Variants in MARCHF1 observed in about 807,000 individuals in gnomAD.
MARCHF1 encodes the protein E3 ubiquitin-protein ligase MARCHF1.
A neutral mutation model predicts 54.2 loss-of-function variants in MARCHF1; 40 were observed. The observed-to-expected ratio is 0.74, with a 90% CI of 0.57 to 0.96. MARCHF1 has a LOEUF of 0.96. MARCHF1 is among the 40% of genes least tolerant of loss of function. The pLI, the probability that MARCHF1 is intolerant of heterozygous loss-of-function variation, is 0.00. For synonymous variants in MARCHF1, 236 were observed against 236.3 expected, an observed-to-expected ratio of 1.00 and a Z score of 0.01; for missense variants, 586 against 656.5, an observed-to-expected ratio of 0.89 and a Z score of 1.17.
intron 2 of MARCHF1, among the ~76,000 whole-genome samples, chr4:164,034,798 T>C (rs1286133761): frequency 2.6e-5 from 4 of 152,224 alleles, no homozygotes; most frequent in African/African-American, 9.6e-5. Context: ...GCATTTTGTA[T>C]GTAACACTTT....
At position 164,239,530 on chromosome 4, in the gene MARCHF1, C is replaced by A. The variant is rs1233305913; in HGVS notation, c.-322-127868G>T. Reference sequence around the variant, plus strand: ...ATGATTATAGTCAGATAGTCCTTGACAACTTTGATTTTCCTGCTGGATTAT... The same window carrying A: ...ATGATTATAGTCAGATAGTCCTTGAAAACTTTGATTTTCCTGCTGGATTAT... On this transcript the variant is annotated intron_variant, in intron 1 of 9. Transcript: ENST00000514618. Among the ~76,000 whole-genome samples the A allele has an allele frequency of 1.2e-4, 18 of 152,114 alleles. 1 individual carries two copies. Among genetic ancestry groups the A allele is most frequent in the Admixed American group, 1.2e-3 (18 of 15,268 alleles).
chr4:163,709,610 A>T (rs1390856252), intron 4 of MARCHF1, among the ~76,000 whole-genome samples: 1 of 152,170 alleles, frequency 6.6e-6, no homozygotes, highest in Non-Finnish European at 1.5e-5. Flanking sequence ...TGCAAGAAAC[A>T]GTTAATGTTC....
chr4:164,319,790 G>T (rs1279231575), intron 1 of MARCHF1, among the ~76,000 whole-genome samples: 4 of 152,034 alleles, frequency 2.6e-5, no homozygotes, highest in African/African-American at 9.7e-5. Context: ...ATACATAGCT[G>T]GGGGCCTTGC....
At chr4:164,365,945 A>T (rs551030616) in intron 1 of MARCHF1, among the ~76,000 whole-genome samples, 1 of 151,658 alleles carries the variant, frequency 6.6e-6, no homozygotes, top group South Asian at 2.1e-4. Flanking sequence ...ATGCCTTCCC[A>T]GGCTCCTCAA....
At chr4:163,707,785 C>CT (rs1491022832) in intron 4 of MARCHF1, among the ~76,000 whole-genome samples, 3 of 66,724 alleles carry the variant, frequency 4.5e-5, no homozygotes, top group Non-Finnish European at 8.5e-5. Flanking sequence ...CTGTTTTGAA[C>CT]TAAAAAAAAA....
chr4:164,121,865 T>C (rs981263685), intron 1 of MARCHF1, among the ~76,000 whole-genome samples: 2 of 145,302 alleles, frequency 1.4e-5, no homozygotes, highest in African/African-American at 5.0e-5. Flanking sequence ...TATCCTGATA[T>C]CAAAACTAGA....
At chr4:164,257,850 T>A (rs1306027473) in intron 1 of MARCHF1, among the ~76,000 whole-genome samples, 4 of 152,094 alleles carry the variant, frequency 2.6e-5, no homozygotes, top group Non-Finnish European at 5.9e-5. Context: ...GTGCCTGTAG[T>A]CCCAGCTACT....
intron 4 of MARCHF1, among the ~76,000 whole-genome samples, chr4:163,815,215 G>T (rs1748500394): frequency 6.6e-6 from 1 of 152,032 alleles, no homozygotes; most frequent in South Asian, 2.1e-4. Context: ...TTTAAATTGG[G>T]ACTTAAAAAC....
At chr4:164,300,307 A>G (rs1270616911) in intron 1 of MARCHF1, among the ~76,000 whole-genome samples, 1 of 152,272 alleles carries the variant, frequency 6.6e-6, no homozygotes, top group Admixed American at 6.5e-5. Context: ...GCCGATTGGT[A>G]TATACTTATG....
chr4:163,656,330 C>T (rs1743140182), intron 5 of MARCHF1, among the ~76,000 whole-genome samples: 1 of 152,002 alleles, frequency 6.6e-6, no homozygotes, highest in Admixed American at 6.6e-5. Flanking sequence ...TTCCTAGACA[C>T]ATATACCCTT....
At chr4:164,219,646 A>T (rs1295895603) in intron 1 of MARCHF1, among the ~76,000 whole-genome samples, 1 of 151,996 alleles carries the variant, frequency 6.6e-6, no homozygotes, top group Admixed American at 6.6e-5. Context: ...CACTAAAATG[A>T]TTTTAAAAAC....
chr4:163,734,800 G>A (rs148048381), intron 4 of MARCHF1, among the ~76,000 whole-genome samples: 57 of 152,158 alleles, frequency 3.7e-4, no homozygotes, highest in African/African-American at 1.2e-3. Context: ...AAAATGTATC[G>A]TATTATACAC....
At chr4:164,178,918 T>C (rs1252155422) in intron 1 of MARCHF1, among the ~76,000 whole-genome samples, 1 of 152,140 alleles carries the variant, frequency 6.6e-6, no homozygotes, top group Admixed American at 6.5e-5. Flanking sequence ...CCTTGCATCA[T>C]AGTTGTTGGT....
intron 3 of MARCHF1, among the ~76,000 whole-genome samples, chr4:163,954,301 TA>T (rs1365309366): frequency 6.6e-6 from 1 of 152,192 alleles, no homozygotes; most frequent in Non-Finnish European, 1.5e-5. Context: ...TAAATCCAAA[TA>T]TTTATATGTT....
At chr4:164,185,112 T>A (rs1260817550) in intron 1 of MARCHF1, among the ~76,000 whole-genome samples, 1 of 152,212 alleles carries the variant, frequency 6.6e-6, no homozygotes, top group African/African-American at 2.4e-5. Context: ...TTTATTTTCC[T>A]CACAAAATTC....
chr4:163,733,179 A>G (rs28412674), intron 4 of MARCHF1, among the ~76,000 whole-genome samples: 5,602 of 19,746 alleles, frequency 0.28, 1,076 homozygotes, highest in African/African-American at 0.46. Flanking sequence ...GTATGTGTGT[A>G]TATATATATA....
intron 2 of MARCHF1, among the ~76,000 whole-genome samples, chr4:164,018,725 T>C (rs900646059): frequency 7.9e-5 from 12 of 152,196 alleles, no homozygotes; most frequent in Admixed American, 2.6e-4. Flanking sequence ...ACATAACTTC[T>C]TGATAAATTA....
intron 3 of MARCHF1, among the ~76,000 whole-genome samples, chr4:163,914,091 G>GAC (rs34143895): frequency 6.6e-6 from 1 of 151,790 alleles, no homozygotes; most frequent in African/African-American, 2.4e-5. Context: ...GAAAAATTGT[G>GAC]TTTTTTTCCA....
intron 4 of MARCHF1, among the ~76,000 whole-genome samples, chr4:163,745,841 A>T (rs865797656): frequency 2.2e-4 from 13 of 59,550 alleles, no homozygotes; most frequent in African/African-American, 4.7e-4. Flanking sequence ...TTATAGTTTA[A>T]AAAAAAAAAG....
Sources: gnomAD v4.1 joint callset for allele counts (sites outside exome capture counted in the v4.1 genomes callset) on GRCh38, gnomAD v4.1.1 for gene constraint, MANE v1.5 for transcripts, NCBI Gene and HGNC (gene_info 2026-07-23, HGNC 2026-07-21) for gene names.